The following OSBPL9 variants were observed in gnomAD, a reference collection of about 807,000 sequenced individuals.
The protein encoded by OSBPL9 is oxysterol binding protein like 9, also known as oxysterol-binding protein-related protein 9.
OSBPL9 carries 40 observed loss-of-function variants against 106.6 expected under a neutral mutation model. That is an observed-to-expected ratio of 0.38 (90% CI 0.29 to 0.49). The LOEUF (loss-of-function observed/expected upper bound fraction) is 0.49, where lower values mean the gene tolerates loss of function less well. Among genes scored for constraint, OSBPL9 ranks in the 20% least tolerant of loss-of-function variants. The pLI is 0.97. For synonymous variants in OSBPL9, 269 were observed against 295.4 expected (o/e 0.91, Z 0.92); for missense variants, 609 against 887.2 (o/e 0.69, Z 3.98).
intron 1 of OSBPL9, among the ~76,000 whole-genome samples, chr1:51,635,811 G>A (rs1645396135): frequency 6.6e-6 from 1 of 151,806 alleles, no homozygotes; most frequent in Admixed American, 6.6e-5. Context: ...CTAGATCAAA[G>A]TCCATATGTC....
chr1:51,619,564 G>A (rs1307232325), intron 1 of OSBPL9, among the ~76,000 whole-genome samples: 1 of 151,882 alleles, frequency 6.6e-6, no homozygotes, highest in Non-Finnish European at 1.5e-5. Context: ...CTGTTTAGAA[G>A]ATTTTTTTTC....
chr1:51,644,268 TTTGA>T (rs1202019153), intron 1 of OSBPL9, among the ~76,000 whole-genome samples: 2 of 152,064 alleles, frequency 1.3e-5, no homozygotes, highest in African/African-American at 2.4e-5. Context: ...ATGAGGGGAC[TTTGA>T]TTGATTGGAT....
At chr1:51,734,771 AT>A (rs971901966) in intron 4 of OSBPL9, among the ~76,000 whole-genome samples, 1 of 152,004 alleles carries the variant, frequency 6.6e-6, no homozygotes, top group Non-Finnish European at 1.5e-5. Flanking sequence ...TTGCTCTTTT[AT>A]TTTCTCCAGA....
intron 11 of OSBPL9, 71 bp from the exon 12 acceptor site, chr1:51,765,751 G>A: frequency 1.5e-6 from 2 of 1,378,544 alleles, no homozygotes; most frequent in Admixed American, 2.5e-5. Context: ...AGAAAAGTCT[G>A]CTTTGACTCC....
chr1:51,674,978 C>T (rs1650825405), intron 3 of OSBPL9, among the ~76,000 whole-genome samples: 1 of 152,194 alleles, frequency 6.6e-6, no homozygotes, highest in African/African-American at 2.4e-5. Flanking sequence ...GCATTCAAAG[C>T]CATCCTGTGC....
chr1:51,727,341 T>C (rs542932024), intron 4 of OSBPL9, among the ~76,000 whole-genome samples: 1 of 152,328 alleles, frequency 6.6e-6, no homozygotes, highest in Non-Finnish European at 1.5e-5. Flanking sequence ...TATTGTTATT[T>C]ATCAGAGAAT....
intron 8 of OSBPL9, chr1:51,752,530 G>T: frequency 2.2e-6 from 1 of 455,942 alleles, no homozygotes; most frequent in South Asian, 1.5e-5. Flanking sequence ...GAATTTGCTC[G>T]TCTTACCACT....
At chr1:51,650,181 G>A (rs1013590611) in intron 1 of OSBPL9, among the ~76,000 whole-genome samples, 28 of 152,050 alleles carry the variant, frequency 1.8e-4, no homozygotes, top group Non-Finnish European at 4.1e-4. Flanking sequence ...GATTATAATT[G>A]GCCCTCTTAA....
chr1:51,616,951 C>T (rs1223970907), upstream of OSBPL9: 2 of 1,399,400 alleles, frequency 1.4e-6, no homozygotes, highest in Non-Finnish European at 1.9e-6. Flanking sequence ...ACAATAGGCG[C>T]CCTAAGAAAG....
chr1:51,576,884 AC>A (rs1352478534), upstream of OSBPL9, among the ~76,000 whole-genome samples: 6 of 152,136 alleles, frequency 3.9e-5, no homozygotes, highest in Non-Finnish European at 7.4e-5. Flanking sequence ...TGAGATTTGA[AC>A]CCAAATCTGA....
chr1:51,591,085 A>AT (rs1263574520), intron 1 of OSBPL9, among the ~76,000 whole-genome samples: 1 of 151,758 alleles, frequency 6.6e-6, no homozygotes, highest in Non-Finnish European at 1.5e-5. Context: ...AGCCCAGCTA[A>AT]TTTTTTGTAT....
chr1:51,710,612 A>G (rs1659594568), intron 3 of OSBPL9, among the ~76,000 whole-genome samples: 1 of 152,228 alleles, frequency 6.6e-6, no homozygotes, highest in Non-Finnish European at 1.5e-5. Flanking sequence ...AGTTTATTTC[A>G]TCTTAATTCA....
At chr1:51,760,486 T>G in intron 9 of OSBPL9, 1 of 593,170 alleles carries the variant, frequency 1.7e-6, no homozygotes, top group Admixed American at 3.8e-5. Flanking sequence ...GTGACAGAGA[T>G]TCATTCATTG....
At chr1:51,568,980 A>T in the OSBPL9 span, among the ~76,000 whole-genome samples, 1 of 152,046 alleles carries the variant, frequency 6.6e-6, no homozygotes, top group Non-Finnish European at 1.5e-5. Context: ...CCCGCCACCC[A>T]GAGTGCTGGA....
At chr1:51,694,679 G>A (rs1053336924) in intron 3 of OSBPL9, among the ~76,000 whole-genome samples, 22 of 151,962 alleles carry the variant, frequency 1.4e-4, no homozygotes, top group African/African-American at 4.4e-4. Flanking sequence ...AAATCAAATC[G>A]GTTTACTGAA....
chr1:51,556,154 T>C, the OSBPL9 span, among the ~76,000 whole-genome samples: 1 of 152,230 alleles, frequency 6.6e-6, no homozygotes, highest in East Asian at 1.9e-4. Flanking sequence ...TGACAGTAAT[T>C]TCATGAGACT....
At chr1:51,724,505 C>G (rs1478035161) in intron 4 of OSBPL9, among the ~76,000 whole-genome samples, 2 of 152,098 alleles carry the variant, frequency 1.3e-5, no homozygotes, top group East Asian at 3.9e-4. Flanking sequence ...AGGCTGGTCT[C>G]GAACTCCTGA....
At chr1:51,740,344 A>G in intron 4 of OSBPL9, 1 of 1,145,198 alleles carries the variant, frequency 8.7e-7, no homozygotes, top group Non-Finnish European at 1.1e-6. Flanking sequence ...TCAAAATTAC[A>G]TTCCTGCTAA....
At chr1:51,768,164 A>C (rs1046474867) in intron 12 of OSBPL9, among the ~76,000 whole-genome samples, 1 of 151,974 alleles carries the variant, frequency 6.6e-6, no homozygotes, top group Non-Finnish European at 1.5e-5. Flanking sequence ...GATGGTCTCG[A>C]TCTCCTGACC....
Sources: gnomAD v4.1 joint callset for allele counts (sites outside exome capture counted in the v4.1 genomes callset) on GRCh38, gnomAD v4.1.1 for gene constraint, MANE v1.5 for transcripts, NCBI Gene and HGNC (gene_info 2026-07-23, HGNC 2026-07-21) for gene names.